The following SPAG16 variants were observed in gnomAD, a reference collection of about 807,000 sequenced individuals.
SPAG16 encodes sperm associated antigen 16, also known as sperm-associated antigen 16 protein.
A neutral mutation model predicts 80.4 loss-of-function variants in SPAG16; 86 were observed. The observed-to-expected ratio is 1.07, with a 90% CI of 0.90 to 1.28. The LOEUF (loss-of-function observed/expected upper bound fraction) is 1.28. Ranked by LOEUF, SPAG16 falls within the 50% of genes most tolerant of loss-of-function variation. The probability of loss-of-function intolerance (pLI) is 0.00; values close to 1 mark genes in which losing one functional copy is unlikely to be tolerated. For synonymous variants in SPAG16, 294 were observed against 265.9 expected (o/e 1.11, Z -1.03); for missense variants, 870 against 765.3 (o/e 1.14, Z -1.61).
chr2:213,487,138 A>C (rs2074015717), intron 9 of SPAG16, among the ~76,000 whole-genome samples: 1 of 152,052 alleles, frequency 6.6e-6, no homozygotes, highest in Non-Finnish European at 1.5e-5. Context: ...CTTTTATTTC[A>C]CATAGAAAGC....
intron 9 of SPAG16, among the ~76,000 whole-genome samples, chr2:213,376,508 C>G (rs551541808): frequency 2.0e-5 from 3 of 151,994 alleles, no homozygotes; most frequent in African/African-American, 7.2e-5. Context: ...TAAGGTGAAT[C>G]CTTCTCACCT....
At position 213,533,975 on chromosome 2, in the gene SPAG16, A is replaced by C. The variant is rs1024078470; in HGVS notation, c.1070+43885A>C. The stretch of plus-strand genomic sequence containing the variant: ...CATCTTATGTACTTTCTGACATGTG[A>C]TCACCTCCTATTGTTGCATATTTAC... On this transcript the variant is annotated intron_variant, in intron 10 of 15. Coordinates refer to ENST00000331683, the MANE Select transcript of SPAG16 (RefSeq NM_024532.5). Among the ~76,000 whole-genome samples the C allele has an allele frequency of 3.9e-5, 6 of 152,166 alleles. No individual in the cohort carries two copies. In the Middle Eastern group the frequency reaches 0.014, roughly 345 times the overall value.
intron 1 of SPAG16, among the ~76,000 whole-genome samples, chr2:213,289,721 CTG>C (rs1343897610): frequency 6.6e-6 from 1 of 152,180 alleles, no homozygotes; most frequent in Non-Finnish European, 1.5e-5. Flanking sequence ...TAGATTGAGT[CTG>C]TGTACGTTGG....
At chr2:213,676,177 GCTCT>G (rs1335903346) in intron 10 of SPAG16, among the ~76,000 whole-genome samples, 11 of 151,604 alleles carry the variant, frequency 7.3e-5, no homozygotes, top group Non-Finnish European at 1.2e-4. Context: ...TCATGATTTG[GCTCT>G]CTGTCTGTTA....
At chr2:213,650,407 A>C (rs972576358) in intron 10 of SPAG16, among the ~76,000 whole-genome samples, 1 of 152,200 alleles carries the variant, frequency 6.6e-6, no homozygotes, top group Middle Eastern at 3.2e-3. Flanking sequence ...ACGGTTACAA[A>C]GTCCCATTTC....
chr2:214,268,742 A>AGG (rs147917627), intron 15 of SPAG16, among the ~76,000 whole-genome samples: 1 of 121,484 alleles, frequency 8.2e-6, no homozygotes, highest in Non-Finnish European at 2.0e-5. Flanking sequence ...AAGCATCTGA[A>AGG]GGGTGTGTGT....
At chr2:214,077,697 T>G (rs913025500) in intron 13 of SPAG16, among the ~76,000 whole-genome samples, 2 of 152,224 alleles carry the variant, frequency 1.3e-5, no homozygotes, top group Non-Finnish European at 2.9e-5. Context: ...AGGCACATTG[T>G]GCAGCTGCCA....
At chr2:213,652,281 T>C (rs1051436692) in intron 10 of SPAG16, among the ~76,000 whole-genome samples, 30 of 152,104 alleles carry the variant, frequency 2.0e-4, no homozygotes, top group Non-Finnish European at 3.4e-4. Flanking sequence ...TGGTATATAC[T>C]AGGGGAGGGA....
At chr2:213,596,216 G>A (rs2060881515) in intron 10 of SPAG16, among the ~76,000 whole-genome samples, 1 of 152,080 alleles carries the variant, frequency 6.6e-6, no homozygotes, top group Admixed American at 6.5e-5. Flanking sequence ...AGCAGAAGGA[G>A]GTTGTAAGCT....
intron 10 of SPAG16, among the ~76,000 whole-genome samples, chr2:213,792,063 A>G (rs6748633): frequency 0.26 from 39,303 of 152,170 alleles, 5,610 homozygotes; most frequent in Middle Eastern, 0.39. Context: ...CCAAGCCAGT[A>G]TTCATCGAGA....
chr2:213,603,033 T>G (rs1380365631), intron 10 of SPAG16, among the ~76,000 whole-genome samples: 1 of 152,202 alleles, frequency 6.6e-6, no homozygotes, highest in Non-Finnish European at 1.5e-5. Context: ...GCTCATAGAC[T>G]TAAAACAGCA....
intron 15 of SPAG16, among the ~76,000 whole-genome samples, chr2:214,157,906 A>C (rs2125593417): frequency 6.6e-6 from 1 of 152,202 alleles, no homozygotes. Flanking sequence ...CACAACTTTA[A>C]GCACAATGTT....
intron 10 of SPAG16, among the ~76,000 whole-genome samples, chr2:213,671,383 G>A (rs1038870850): frequency 6.6e-6 from 1 of 152,122 alleles, no homozygotes; most frequent in East Asian, 1.9e-4. Context: ...TGATTGAAAG[G>A]AGTCAAGATT....
At chr2:213,940,458 A>G (rs2079152076) in intron 12 of SPAG16, among the ~76,000 whole-genome samples, 1 of 151,956 alleles carries the variant, frequency 6.6e-6, no homozygotes, top group Non-Finnish European at 1.5e-5. Flanking sequence ...GGATAATTAT[A>G]TATTTATTTT....
intron 15 of SPAG16, among the ~76,000 whole-genome samples, chr2:214,259,984 T>C (rs948879456): frequency 2.0e-5 from 3 of 152,170 alleles, no homozygotes; most frequent in African/African-American, 4.8e-5. Context: ...ATTATGTAAT[T>C]TTTAATCTTT....
chr2:214,245,261 C>T (rs1053172164), intron 15 of SPAG16, among the ~76,000 whole-genome samples: 4 of 152,054 alleles, frequency 2.6e-5, no homozygotes, highest in East Asian at 1.9e-4. Context: ...ACGCTATTCC[C>T]GGCATATTTT....
chr2:214,348,757 C>T (rs916432324), intron 15 of SPAG16, among the ~76,000 whole-genome samples: 7 of 152,124 alleles, frequency 4.6e-5, no homozygotes, highest in African/African-American at 9.7e-5. Flanking sequence ...GTTGGTGCCA[C>T]GTGGGGCAGA....
At chr2:213,299,994 C>A (rs190913018) in intron 3 of SPAG16, among the ~76,000 whole-genome samples, 9 of 152,218 alleles carry the variant, frequency 5.9e-5, no homozygotes, top group South Asian at 2.1e-4. Context: ...CTTCTAAATT[C>A]TGAGCCTTTT....
At chr2:213,457,592 TA>T (rs2072100209) in intron 9 of SPAG16, among the ~76,000 whole-genome samples, 1 of 152,198 alleles carries the variant, frequency 6.6e-6, no homozygotes, top group African/African-American at 2.4e-5. Flanking sequence ...TTCTTTTTTT[TA>T]AAACCCTTGT....
Sources: allele counts gnomAD v4.1 joint callset (sites outside exome capture counted in the v4.1 genomes callset), GRCh38; gene constraint gnomAD v4.1.1; transcripts MANE v1.5; gene names NCBI Gene and HGNC (gene_info 2026-07-23, HGNC 2026-07-21).